CRACD: variants seen among roughly 807,000 people sequenced by gnomAD.
CRACD encodes capping protein-inhibiting regulator of actin dynamics.
Under a neutral mutation model 106.8 loss-of-function variants are expected in CRACD, and 56 were observed. That is an observed-to-expected ratio of 0.52 (90% CI 0.42 to 0.66). The LOEUF (loss-of-function observed/expected upper bound fraction) is 0.66, where lower values mean the gene tolerates loss of function less well. Among genes scored for constraint, CRACD ranks in the 30% least tolerant of loss-of-function variants. CRACD has a pLI of 0.00. For synonymous variants in CRACD, 754 were observed against 670.8 expected (o/e 1.12, Z -1.92); for missense variants, 1,730 against 1,623.2 (o/e 1.07, Z -1.13).
At chr4:56,238,484 C>T (rs756525636) in intron 2 of CRACD, among the ~76,000 whole-genome samples, 1 of 152,240 alleles carries the variant, frequency 6.6e-6, no homozygotes, top group Non-Finnish European at 1.5e-5. Context: ...ATCCCTTCCA[C>T]CACAGTCACA....
intron 1 of CRACD, among the ~76,000 whole-genome samples, chr4:56,124,763 T>C (rs1017500370): frequency 6.6e-6 from 1 of 152,158 alleles, no homozygotes; most frequent in Non-Finnish European, 1.5e-5. Flanking sequence ...GAATTTCTTA[T>C]GTTGTCTTTC....
chr4:56,170,442 T>C (rs1385718328), intron 1 of CRACD, among the ~76,000 whole-genome samples: 1 of 152,158 alleles, frequency 6.6e-6, no homozygotes, highest in Non-Finnish European at 1.5e-5. Flanking sequence ...TTGGATACTT[T>C]TGGTATAGTC....
chr4:56,166,054 G>A (rs1350963939), intron 1 of CRACD, among the ~76,000 whole-genome samples: 1 of 152,052 alleles, frequency 6.6e-6, no homozygotes, highest in Non-Finnish European at 1.5e-5. Flanking sequence ...TGTAGAGATG[G>A]GTTTTTTTCT....
intron 1 of CRACD, among the ~76,000 whole-genome samples, chr4:56,172,548 T>G (rs1736414204): frequency 6.6e-6 from 1 of 152,052 alleles, no homozygotes; most frequent in Non-Finnish European, 1.5e-5. Context: ...CCGCAACCCC[T>G]GCCTCCCGGG....
intron 2 of CRACD, among the ~76,000 whole-genome samples, chr4:56,207,745 C>CAT (rs58423475): frequency 0.12 from 12,218 of 105,306 alleles, 640 homozygotes; most frequent in Middle Eastern, 0.15. Context: ...CTTGTTTTCT[C>CAT]ATATATATAT....
intron 2 of CRACD, among the ~76,000 whole-genome samples, chr4:56,249,708 C>T (rs1431945735): frequency 6.6e-6 from 1 of 152,160 alleles, no homozygotes; most frequent in African/African-American, 2.4e-5. Flanking sequence ...TATCTATTAG[C>T]TCTTTACACC....
chr4:56,255,993 T>C (rs1741332479), intron 2 of CRACD, among the ~76,000 whole-genome samples: 1 of 152,218 alleles, frequency 6.6e-6, no homozygotes. Context: ...TGAAGGGTCC[T>C]GGCTGATAGG....
intron 2 of CRACD, among the ~76,000 whole-genome samples, chr4:56,205,076 A>G (rs189228585): frequency 1.4e-3 from 218 of 152,296 alleles, no homozygotes; most frequent in African/African-American, 5.0e-3. Flanking sequence ...AGATTGCTTA[A>G]GCCTGGGAAT....
intron 3 of CRACD, among the ~76,000 whole-genome samples, chr4:56,292,454 G>A (rs989255407): frequency 1.3e-5 from 2 of 152,098 alleles, no homozygotes; most frequent in Admixed American, 6.6e-5. Flanking sequence ...TTGAAGTGAT[G>A]TGCTTCTTTG....
intron 1 of CRACD, among the ~76,000 whole-genome samples, chr4:56,085,319 A>T (rs1019983155): frequency 2.6e-5 from 4 of 152,036 alleles, no homozygotes; most frequent in Non-Finnish European, 4.4e-5. Context: ...AAGTTTATTT[A>T]TGTGGGTCTT....
chr4:56,069,280 A>G (rs149176553), intron 1 of CRACD, among the ~76,000 whole-genome samples: 81 of 152,322 alleles, frequency 5.3e-4, no homozygotes, highest in African/African-American at 1.9e-3. Context: ...CCTGTTAGAC[A>G]TTGGCGTGTC....
At chr4:56,243,309 T>C (rs78184155) in intron 2 of CRACD, among the ~76,000 whole-genome samples, 1 of 152,184 alleles carries the variant, frequency 6.6e-6, no homozygotes, top group Non-Finnish European at 1.5e-5. Context: ...CGTTAGGAGA[T>C]AGTGATCAAC....
At chr4:56,243,357 A>G (rs931011866) in intron 2 of CRACD, among the ~76,000 whole-genome samples, 1 of 152,208 alleles carries the variant, frequency 6.6e-6, no homozygotes, top group East Asian at 1.9e-4. Flanking sequence ...GAACAACAAA[A>G]TAGGAAGAAT....
At chr4:56,197,902 C>T (rs1277976742) in intron 2 of CRACD, among the ~76,000 whole-genome samples, 1 of 152,148 alleles carries the variant, frequency 6.6e-6, no homozygotes. Flanking sequence ...TGGTCTCGAT[C>T]TCCTGACCTT....
At position 56,314,158 on chromosome 4, in the gene CRACD, A is replaced by T. The variant is rs1560533447; in HGVS notation, c.656A>T (p.Glu219Val). ...GAACCCAATCCGCTGGATTCCGAGG[A>T]AGAGAGAAGACGCCAAGAAGACTAC... is the stretch of plus-strand genomic sequence containing the variant. ...EEEPNPLDSE[E>V]ERRRQEDYWR... Residue 219 changes from glutamate (E) to valine (V), a missense_variant, in exon 8 of 11, where the codon GAA becomes GTA. By Grantham distance (121) the Glu-to-Val change is moderately radical (BLOSUM62 -2). Coordinates refer to ENST00000682029, the MANE Select transcript of CRACD (RefSeq NM_001393381.1). The surrounding 1 kb of genome is among the most constrained non-coding windows in gnomAD (Gnocchi z 4.4). 4 of 1,613,978 alleles carry T rather than the reference A, an allele frequency of 2.5e-6. No individual in the cohort carries two copies. Among genetic ancestry groups the T allele is most frequent in the Non-Finnish European group, 3.4e-6 (4 of 1,179,990 alleles).
At chr4:56,148,524 C>A (rs956294492) in intron 1 of CRACD, among the ~76,000 whole-genome samples, 1 of 152,028 alleles carries the variant, frequency 6.6e-6, no homozygotes, top group Non-Finnish European at 1.5e-5. Context: ...GAACTCCTGG[C>A]CTTAAGCAGT....
At chr4:56,156,409 T>A (rs1735765745) in intron 1 of CRACD, among the ~76,000 whole-genome samples, 5 of 152,162 alleles carry the variant, frequency 3.3e-5, no homozygotes, top group Admixed American at 2.0e-4. Context: ...AGATCTGACT[T>A]TACCACCCGC....
chr4:56,088,877 C>A (rs190595631), intron 1 of CRACD, among the ~76,000 whole-genome samples: 51 of 152,300 alleles, frequency 3.3e-4, no homozygotes, highest in African/African-American at 1.2e-3. Flanking sequence ...AGGTACCCAC[C>A]ACCACGCCTG....
At chr4:56,171,476 G>A (rs1736362373) in intron 1 of CRACD, among the ~76,000 whole-genome samples, 1 of 152,132 alleles carries the variant, frequency 6.6e-6, no homozygotes, top group Non-Finnish European at 1.5e-5. Context: ...TGGGTGTCAA[G>A]ACAAAAGCAA....
Sources: gnomAD v4.1 joint callset for allele counts (sites outside exome capture counted in the v4.1 genomes callset) on GRCh38, gnomAD v4.1.1 for gene constraint, Gnocchi (gnomAD v3.1) non-coding constraint, MANE v1.5 for transcripts, NCBI Gene and HGNC (gene_info 2026-07-23, HGNC 2026-07-21) for gene names.